Variants in ZNF557 observed in about 807,000 individuals in gnomAD.
ZNF557 encodes CTB-25J19.9.
In ZNF557, 19 loss-of-function variants were observed where a neutral mutation model predicts 21.2. The ratio of observed to expected loss-of-function variants is 0.90; its 90% confidence interval spans 0.63 to 1.32. ZNF557 has a LOEUF of 1.32. ZNF557 is among the 40% of genes most tolerant of loss of function. The pLI is 0.00. For synonymous variants in ZNF557, 207 were observed against 194.8 expected (o/e 1.06, Z -0.52); for missense variants, 487 against 519.8 (o/e 0.94, Z 0.61).
rs1281913424 is a variant in ZNF557, at chr19:7,086,266, T to G, written c.*2522T>G. ...AAATCAGACAATATTTGATATATTT[T>G]TTTCTAATTTAATAGTATTTTGCCA... On this transcript the variant is annotated 3_prime_UTR_variant, in exon 8 of 8. Coordinates refer to ENST00000252840, the MANE Select transcript of ZNF557 (RefSeq NM_024341.3). The G allele has an allele frequency of 6.7e-6, 1 of 149,724 alleles. No individual in the cohort carries two copies. The highest frequency in any genetic ancestry group is 1.5e-5 in the Non-Finnish European group (1 of 67,596). The allele number at this position is 149,724 out of a possible 1,614,324, so 9.3% of individuals were successfully genotyped here.
chr19:7,081,900 T>C (rs546988091), intron 6 of ZNF557, 70 bp from the exon 7 acceptor site: 1 of 1,209,166 alleles, frequency 8.3e-7, no homozygotes, highest in South Asian at 1.2e-5. Flanking sequence ...GTATGCATTT[T>C]ACTATTTCAC....
intron 5 of ZNF557, among the ~76,000 whole-genome samples, chr19:7,077,510 T>C (rs1977611136): frequency 6.6e-6 from 1 of 152,220 alleles, no homozygotes; most frequent in African/African-American, 2.4e-5. Flanking sequence ...ATTATTCCGT[T>C]ATGTGTATAT....
chr19:7,073,810 C>G (rs1977514028), intron 2 of ZNF557, among the ~76,000 whole-genome samples: 2 of 152,132 alleles, frequency 1.3e-5, no homozygotes, highest in Non-Finnish European at 2.9e-5. Context: ...TAGAAGGAAG[C>G]CAGGGCCTGA....
At chr19:7,082,473 G>A (rs7251143) in intron 7 of ZNF557, among the ~76,000 whole-genome samples, 7,099 of 149,168 alleles carry the variant, frequency 0.048, 351 homozygotes, top group African/African-American at 0.13. Flanking sequence ...AAAGGAAAGT[G>A]TCATTTTTTT....
At position 7,075,512 on chromosome 19, in the gene ZNF557, T is replaced by C. The variant is rs530285207; in HGVS notation, c.32-143T>C. On this transcript the variant is annotated intron_variant, in intron 3 of 7. Coordinates refer to ENST00000252840, the MANE Select transcript of ZNF557 (RefSeq NM_024341.3). The stretch of plus-strand genomic sequence containing the variant: ...CCTTGGATTGCTGTGGGTTGGTGTT[T>C]GCTTGGAGTAGAGGTGGATGCTTTG... The C allele has an allele frequency of 1.0e-5, 8 of 786,568 alleles. No homozygotes were observed. In the African/African-American group the frequency reaches 1.4e-4, roughly 14 times the overall value. The allele number at this position is 786,568 out of a possible 1,614,324, so 48.7% of individuals were successfully genotyped here. A position where few individuals can be genotyped will look rare whatever the true frequency, so the allele number is the denominator to read the frequency against.
intron 5 of ZNF557, among the ~76,000 whole-genome samples, chr19:7,076,865 G>A (rs1467912025): frequency 2.6e-5 from 4 of 151,982 alleles, no homozygotes; most frequent in South Asian, 2.1e-4. Context: ...GTGCAGTGGC[G>A]TGATCCTGAG....
In ZNF557 at chr19:7,087,610, G is replaced by C. The variant is rs1407224748; in HGVS notation, c.*3866G>C. The stretch of plus-strand genomic sequence containing the variant: ...TGAGTTCTTCAAAAACCTTTGATTG[G>C]CTGCATTGGCTCTGTTCTGCATATT... On this transcript the variant is annotated 3_prime_UTR_variant, in exon 8 of 8. Transcript: ENST00000252840. The C allele has an allele frequency of 2.0e-5, 3 of 151,564 alleles. No homozygotes were observed. The highest frequency in any genetic ancestry group is 7.3e-5 in the African/African-American group (3 of 41,236). The allele number at this position is 151,564 out of a possible 1,614,324, so 9.4% of individuals were successfully genotyped here. A position where few individuals can be genotyped will look rare whatever the true frequency, so the allele number is the denominator to read the frequency against.
At chr19:7,079,051 C>T (rs1312488843) in intron 5 of ZNF557, among the ~76,000 whole-genome samples, 2 of 151,880 alleles carry the variant, frequency 1.3e-5, no homozygotes, top group Non-Finnish European at 2.9e-5. Context: ...ATGATTTTCT[C>T]TATTTGGTGA....
At chr19:7,073,680 G>A (rs1977510575) in intron 2 of ZNF557, among the ~76,000 whole-genome samples, 1 of 152,022 alleles carries the variant, frequency 6.6e-6, no homozygotes, top group Non-Finnish European at 1.5e-5. Flanking sequence ...TTGGCTCCAA[G>A]TACCAGCGAA....
rs117503786 is a variant in ZNF557, at chr19:7,083,411, C to A, written c.960C>A (p.Tyr320Ter). Residue 320 changes from tyrosine (Y) to a stop codon, truncating the protein, a stop_gained, in exon 8 of 8, where the codon TAC becomes TAA. Transcript: ENST00000252840. LOFTEE classifies it low-confidence loss of function (END_TRUNC). The part of the protein sequence containing the change: ...HYSIHTGEYP[Y>*]ECHDCGRTFR... ...GCATTCATACAGGGGAGTACCCTTA[C>A]GAATGCCACGATTGTGGGAGAACCT... is the stretch of plus-strand genomic sequence containing the variant. 5 of 1,614,194 alleles carry A rather than the reference C, an allele frequency of 3.1e-6. No individual in the cohort carries two copies. In the South Asian group the frequency reaches 5.5e-5, roughly 18 times the overall value.
At position 7,084,819 on chromosome 19, in the gene ZNF557, C is replaced by G. The variant is rs539103597; in HGVS notation, c.*1075C>G. 1 of 152,032 alleles carries G rather than the reference C, an allele frequency of 6.6e-6. No homozygotes were observed. The highest frequency in any genetic ancestry group is 1.5e-5 in the Non-Finnish European group (1 of 67,988). The allele number at this position is 152,032 out of a possible 1,614,324, so 9.4% of individuals were successfully genotyped here. ...GGGAGCTGCCCAGGTAATGCAGTAG[C>G]TGTAGGAAAGCCTTCAGTGATGGCT... On this transcript the variant is annotated 3_prime_UTR_variant, in exon 8 of 8. Transcript: ENST00000252840.
Position 7,083,359 on chromosome 19 carries a change from C to T in ZNF557, c.908C>T (p.Thr303Met), listed in dbSNP as rs780302474. 8.1e-6 allele frequency: 13 copies of T among 1,614,168 alleles called. No homozygotes were observed. The highest frequency in any genetic ancestry group is 1.0e-5 in the Non-Finnish European group (12 of 1,180,036). ...VCNQCGKAFG[T>M]RSSLSSHYSI... Reference sequence around the variant, plus strand: ...AATCAGTGTGGAAAGGCTTTCGGCACGAGGTCATCTCTTTCTTCGCACTAT... The same window carrying T: ...AATCAGTGTGGAAAGGCTTTCGGCATGAGGTCATCTCTTTCTTCGCACTAT... Residue 303 changes from threonine to methionine, a missense_variant, in exon 8 of 8, where the codon ACG becomes ATG. By Grantham distance (81) the Thr-to-Met change is moderately conservative (BLOSUM62 -1). Coordinates refer to ENST00000252840, the MANE Select transcript of ZNF557 (RefSeq NM_024341.3).
chr19:7,083,291 A>G lies in ZNF557; in HGVS notation c.840A>G (p.Thr280=). 1.9e-6 allele frequency: 3 copies of G among 1,614,210 alleles called. No homozygotes were observed. The highest frequency in any genetic ancestry group is 2.5e-6 in the Non-Finnish European group (3 of 1,180,032). The change falls in exon 8 of 8, where the codon ACA becomes ACG. Residue 280 remains threonine (T), a synonymous_variant. Transcript: ENST00000252840. ...FREFRTQSIF[T]RHKRVHTGEG... ...AGTTCCGCACTCAGTCAATCTTCACAAGGCACAAGAGAGTTCATACGGGGG... is the reference window on the plus strand; with the variant it reads ...AGTTCCGCACTCAGTCAATCTTCACGAGGCACAAGAGAGTTCATACGGGGG...
intron 7 of ZNF557, among the ~76,000 whole-genome samples, chr19:7,082,629 A>C (rs1169163700): frequency 6.6e-6 from 1 of 152,196 alleles, no homozygotes; most frequent in Non-Finnish European, 1.5e-5. Context: ...GGATATTTGA[A>C]AAAGAAATTA....
chr19:7,075,623 T>G, intron 3 of ZNF557, 32 bp from the exon 4 acceptor site: 1 of 1,608,258 alleles, frequency 6.2e-7, no homozygotes, highest in Non-Finnish European at 8.5e-7. Flanking sequence ...AGGGCAGGTG[T>G]GGATTCCTGG....
At position 7,086,876 on chromosome 19, in the gene ZNF557, A is replaced by G. The variant is rs916160878; in HGVS notation, c.*3132A>G. On this transcript the variant is annotated 3_prime_UTR_variant, in exon 8 of 8. Transcript: ENST00000252840. Reference sequence around the variant, plus strand: ...CCTCGTCTCTACTAAAAAAAATACAAAAATTAGCTGGGCGTGATGACAGGT... The same window carrying G: ...CCTCGTCTCTACTAAAAAAAATACAGAAATTAGCTGGGCGTGATGACAGGT... 1.3e-5 allele frequency: 2 copies of G among 151,808 alleles called. No homozygotes were observed. Among genetic ancestry groups the G allele is most frequent in the African/African-American group, 4.8e-5 (2 of 41,332 alleles). The allele number at this position is 151,808 out of a possible 1,614,324, so 9.4% of individuals were successfully genotyped here.
At chr19:7,073,925 A>C (rs1977515662) in intron 2 of ZNF557, among the ~76,000 whole-genome samples, 1 of 151,676 alleles carries the variant, frequency 6.6e-6, no homozygotes, top group Admixed American at 6.6e-5. Context: ...TACCTGGCCC[A>C]AACTCTTACA....
chr19:7,082,321 G>A (rs764109532), intron 7 of ZNF557, among the ~76,000 whole-genome samples: 3 of 150,732 alleles, frequency 2.0e-5, no homozygotes, highest in Non-Finnish European at 4.4e-5. Context: ...TACTTGGGAA[G>A]CTGAAACAGA....
At chr19:7,074,795 G>C (rs1447519354) in intron 2 of ZNF557, among the ~76,000 whole-genome samples, 2 of 90,572 alleles carry the variant, frequency 2.2e-5, no homozygotes, top group Non-Finnish European at 4.6e-5. Context: ...CGGACTGGAG[G>C]GGGGGTGTGA....
Sources: allele counts gnomAD v4.1 joint callset (sites outside exome capture counted in the v4.1 genomes callset), GRCh38; gene constraint gnomAD v4.1.1; transcripts MANE v1.5; gene names NCBI Gene and HGNC (gene_info 2026-07-23, HGNC 2026-07-21).